Variants in DNAH12 observed in about 807,000 individuals in gnomAD.
DNAH12 encodes dynein axonemal heavy chain 12.
In DNAH12, 285 loss-of-function variants were observed where a neutral mutation model predicts 371.5. The observed-to-expected ratio is 0.77, with a 90% CI of 0.70 to 0.85. DNAH12 has a LOEUF of 0.85. Ranked by LOEUF, DNAH12 falls within the 40% of genes least tolerant of loss-of-function variation. The pLI is 0.00. For synonymous variants in DNAH12, 1,200 were observed against 1,213.0 expected (o/e 0.99, Z 0.22); for missense variants, 3,611 against 3,689.4 (o/e 0.98, Z 0.55).
intron 25 of DNAH12, among the ~76,000 whole-genome samples, chr3:57,447,220 G>A (rs752561787): frequency 3.2e-4 from 49 of 152,096 alleles, no homozygotes; most frequent in African/African-American, 1.1e-3. Context: ...TTCTCTTACC[G>A]GTAGTATCAC....
Position 57,462,845 on chromosome 3 carries a change from T to C in DNAH12, c.2380A>G (p.Asn794Asp). The C allele has an allele frequency of 6.4e-7, 1 of 1,551,410 alleles. No individual in the cohort carries two copies. The highest frequency in any genetic ancestry group is 8.7e-7 in the Non-Finnish European group (1 of 1,146,914). The change falls in exon 18 of 74, where the codon AAT (asparagine) becomes GAT (aspartate). Residue 794 changes from asparagine (N) to aspartate (D), a missense_variant. Transcript: ENST00000495027. ...CAGTGACGAGCTCTCATTCCTGGAT[T>C]GCACAGAATGGAGACAGTAGGAATA... ...EYIPTVSILCNPGMRARHWKQ... is the reference protein window; with the variant it reads ...EYIPTVSILCDPGMRARHWKQ...
intron 69 of DNAH12, among the ~76,000 whole-genome samples, chr3:57,308,287 C>G (rs1050949082): frequency 6.6e-6 from 1 of 152,088 alleles, no homozygotes; most frequent in African/African-American, 2.4e-5. Flanking sequence ...TATAATGGAC[C>G]GGACTTTATT....
intron 9 of DNAH12, 31 bp from the exon 10 acceptor site, chr3:57,502,510 A>G: frequency 6.3e-7 from 1 of 1,589,744 alleles, no homozygotes; most frequent in Non-Finnish European, 8.6e-7. Flanking sequence ...AACAATGTAT[A>G]CAATAAATAT....
intron 29 of DNAH12, among the ~76,000 whole-genome samples, chr3:57,437,778 C>T (rs2065174142): frequency 6.6e-6 from 1 of 152,296 alleles, no homozygotes; most frequent in Non-Finnish European, 1.5e-5. Flanking sequence ...GCTGGAAAGA[C>T]ACACAGAGAG....
chr3:57,501,340 G>C lies in DNAH12; in HGVS notation c.1316C>G (p.Thr439Ser), dbSNP rs565414248. The change falls in exon 11 of 74, where the codon ACT (threonine) becomes AGT (serine). Residue 439 changes from threonine to serine, a missense_variant. Thr to Ser is a moderately conservative substitution (Grantham distance 58). Transcript: ENST00000495027. Reference sequence around the variant, plus strand: ...GCTTACCTCTGTATATTCATCAAAAGTATGATCTTCTGTCTGAAAAGTCTC... The same window carrying C: ...GCTTACCTCTGTATATTCATCAAAACTATGATCTTCTGTCTGAAAAGTCTC... ...NIETFQTEDH[T>S]FDEYTEFIEK... is the part of the protein sequence containing the mutation. The C allele has an allele frequency of 1.9e-6, 3 of 1,597,294 alleles. No individual in the cohort carries two copies. The highest frequency in any genetic ancestry group is 4.5e-5 in the East Asian group (2 of 44,034).
At position 57,329,385 on chromosome 3, in the gene DNAH12, C is replaced by T. The variant is rs1406699066; in HGVS notation, c.9978+5080G>A. Among the ~76,000 whole-genome samples, 2 of 122,410 alleles carry T rather than the reference C, an allele frequency of 1.6e-5. 1 individual carries two copies. The highest frequency in any genetic ancestry group is 3.2e-5 in the Non-Finnish European group (2 of 61,812). The allele number at this position is 122,410 out of a possible 152,430, so 80.3% of individuals were successfully genotyped here. On this transcript the variant is annotated intron_variant, in intron 62 of 73. Coordinates refer to ENST00000495027, the MANE Select transcript of DNAH12 (RefSeq NM_001366028.2). ...AGAGATATAGATCAATGGAACAGAACAGAGCCCTCAGAAATAACGCCACAT... is the reference window on the plus strand; with the variant it reads ...AGAGATATAGATCAATGGAACAGAATAGAGCCCTCAGAAATAACGCCACAT...
intron 45 of DNAH12, among the ~76,000 whole-genome samples, chr3:57,389,600 T>C (rs903387824): frequency 5.3e-5 from 8 of 151,746 alleles, no homozygotes; most frequent in Non-Finnish European, 1.0e-4. Flanking sequence ...AGCAACAAGA[T>C]TGAGAGACAA....
chr3:57,374,087 T>C (rs2063232804), intron 55 of DNAH12, among the ~76,000 whole-genome samples: 2 of 152,210 alleles, frequency 1.3e-5, no homozygotes, highest in South Asian at 4.1e-4. Context: ...GAGTGTGATA[T>C]CCTATTCTAC....
chr3:57,390,409 A>AAG, intron 45 of DNAH12, among the ~76,000 whole-genome samples: 1 of 9,300 alleles, frequency 1.1e-4, no homozygotes, highest in African/African-American at 1.7e-4. Context: ...ATCCTGTCTC[A>AAG]AAAAAAAAAA....
intron 2 of DNAH12, among the ~76,000 whole-genome samples, chr3:57,526,792 G>A (rs2068661148): frequency 6.6e-6 from 1 of 151,782 alleles, no homozygotes; most frequent in South Asian, 2.1e-4. Context: ...CAAAGTGCTG[G>A]GATTATAGGC....
chr3:57,490,356 A>T (rs867742960), intron 11 of DNAH12, among the ~76,000 whole-genome samples: 24 of 152,182 alleles, frequency 1.6e-4, no homozygotes, highest in African/African-American at 5.1e-4. Flanking sequence ...ATAATAATCC[A>T]GGAACAGATG....
intron 57 of DNAH12, among the ~76,000 whole-genome samples, chr3:57,364,183 G>A (rs959629955): frequency 6.6e-6 from 1 of 152,042 alleles, no homozygotes; most frequent in Non-Finnish European, 1.5e-5. Context: ...TGATAAAGCT[G>A]GTTCTTTAAG....
intron 43 of DNAH12, chr3:57,402,386 A>C (rs1291081786): frequency 1.5e-6 from 2 of 1,304,834 alleles, no homozygotes; most frequent in Non-Finnish European, 2.0e-6. Context: ...AGCCCCAAGT[A>C]TGCACTCCAC....
chr3:57,448,403 A>AC (rs2153371657), intron 25 of DNAH12, among the ~76,000 whole-genome samples: 1 of 151,492 alleles, frequency 6.6e-6, no homozygotes, highest in African/African-American at 2.4e-5. Flanking sequence ...GAAGCTGCAG[A>AC]CCTTCGCCCT....
At chr3:57,491,811 G>C (rs1413704517) in intron 11 of DNAH12, among the ~76,000 whole-genome samples, 1 of 152,002 alleles carries the variant, frequency 6.6e-6, no homozygotes, top group Non-Finnish European at 1.5e-5. Flanking sequence ...TAGCCAGCCA[G>C]CTTGGGCAAC....
In DNAH12 at chr3:57,322,530, G is replaced by T. The variant is rs368828656; in HGVS notation, c.10384-47C>A. The stretch of plus-strand genomic sequence containing the variant: ...GCATTATACAAGATAGCAAGTGGAG[G>T]CTCTAAAAGTGCATATACACGTGGA... On this transcript the variant is annotated intron_variant, in intron 64 of 73. Transcript: ENST00000495027. The T allele has an allele frequency of 3.4e-5, 51 of 1,519,694 alleles. No individual in the cohort carries two copies. In the African/African-American group the frequency reaches 6.3e-4, roughly 19 times the overall value. 94.1% of individuals were successfully genotyped at this position (1,519,694 alleles called of 1,614,324 possible).
intron 62 of DNAH12, among the ~76,000 whole-genome samples, chr3:57,327,094 C>T (rs1443069421): frequency 6.6e-6 from 1 of 151,616 alleles, no homozygotes; most frequent in Admixed American, 6.6e-5. Flanking sequence ...GACTTAGACT[C>T]CCACACAATA....
intron 39 of DNAH12, among the ~76,000 whole-genome samples, chr3:57,411,448 A>C (rs1403505830): frequency 6.8e-6 from 1 of 146,702 alleles, no homozygotes; most frequent in Admixed American, 7.0e-5. Flanking sequence ...GAATCTCTTG[A>C]ACCCAGAGGC....
chr3:57,502,555 T>TTA, intron 9 of DNAH12, 76 bp from the exon 10 acceptor site: 1 of 899,048 alleles, frequency 1.1e-6, no homozygotes. Flanking sequence ...TAGATCTTTT[T>TTA]TTTTTTCCTT....
Sources: allele counts gnomAD v4.1 joint callset (sites outside exome capture counted in the v4.1 genomes callset), GRCh38; gene constraint gnomAD v4.1.1; transcripts MANE v1.5; gene names NCBI Gene and HGNC (gene_info 2026-07-23, HGNC 2026-07-21).